The following SCIN variants were observed in gnomAD, a reference collection of about 807,000 sequenced individuals.
SCIN encodes the protein adseverin.
A neutral mutation model predicts 91.8 loss-of-function variants in SCIN; 91 were observed. That is an observed-to-expected ratio of 0.99 (90% confidence interval 0.84 to 1.18). The LOEUF is 1.18. Among genes scored for constraint, SCIN ranks in the 50% most tolerant of loss-of-function variants. SCIN has a pLI of 0.00. For missense variants in SCIN, 1,087 were observed against 863.9 expected (o/e 1.26, Z -3.24); for synonymous variants, 367 against 312.6 (o/e 1.17, Z -1.84).
At chr7:12,592,429 G>A (rs1161800574) in intron 3 of SCIN, among the ~76,000 whole-genome samples, 2 of 152,128 alleles carry the variant, frequency 1.3e-5, no homozygotes, top group Non-Finnish European at 1.5e-5. Context: ...GGCCCTTTTG[G>A]TGGGTTAGAG....
chr7:12,615,397 T>A (rs1225943730), intron 4 of SCIN, among the ~76,000 whole-genome samples: 2 of 152,026 alleles, frequency 1.3e-5, no homozygotes, highest in Non-Finnish European at 2.9e-5. Flanking sequence ...CTGATGGTTT[T>A]AAAGGTGGTA....
In SCIN at chr7:12,626,597, C is replaced by T; in HGVS notation, c.995C>T (p.Pro332Leu). The T allele has an allele frequency of 6.5e-7, 1 of 1,546,216 alleles. No individual in the cohort carries two copies. The highest frequency in any genetic ancestry group is 1.2e-5 in the South Asian group (1 of 83,266). ...TTTAAATTTCAGATTCAAGTTCTTCCAGAAGGAGGTGAAACACCAATCTTC... is the reference window on the plus strand; with the variant it reads ...TTTAAATTTCAGATTCAAGTTCTTCTAGAAGGAGGTGAAACACCAATCTTC... The part of the protein sequence containing the change: ...YSKNTQIQVL[P>L]EGGETPIFKQ... The change falls in exon 8 of 16, where the codon CCA becomes CTA. Residue 332 changes from proline to leucine, a missense_variant. Pro to Leu is a moderately conservative substitution (Grantham distance 98, BLOSUM62 -3). Transcript: ENST00000297029.
intron 7 of SCIN, chr7:12,626,306 A>G: frequency 4.8e-6 from 2 of 412,716 alleles, no homozygotes; most frequent in Admixed American, 8.4e-5. Context: ...CAATGAGATC[A>G]TTTCTTCCAG....
intron 1 of SCIN, among the ~76,000 whole-genome samples, chr7:12,577,034 G>T (rs1049027240): frequency 6.6e-6 from 1 of 152,104 alleles, no homozygotes; most frequent in African/African-American, 2.4e-5. Context: ...TACAGACACT[G>T]GTTCTTAGGA....
Position 12,652,965 on chromosome 7 carries a change from C to A in SCIN, c.*250C>A, listed in dbSNP as rs866900483. The A allele has an allele frequency of 3.4e-5, 12 of 349,074 alleles. No homozygotes were observed. The highest frequency in any genetic ancestry group is 2.5e-4 in the African/African-American group (11 of 44,608). The allele number at this position is 349,074 out of a possible 1,614,324, so 21.6% of individuals were successfully genotyped here. ...TAAAAATACAAAAAAATTAGCTGCGCGTGGTGGTGCACGCCTGTAGTCCCT... is the reference window on the plus strand; with the variant it reads ...TAAAAATACAAAAAAATTAGCTGCGAGTGGTGGTGCACGCCTGTAGTCCCT... On this transcript the variant is annotated 3_prime_UTR_variant, in exon 16 of 16. Coordinates refer to ENST00000297029, the MANE Select transcript of SCIN (RefSeq NM_001112706.3).
At chr7:12,652,535 CTTTAG>C in intron 15 of SCIN, 48 bp from the exon 16 acceptor site, 6 of 1,537,956 alleles carry the variant, frequency 3.9e-6, no homozygotes, top group Middle Eastern at 1.7e-4. Flanking sequence ...TCTGCAGTTA[CTTTAG>C]TTTAACCCAA....
At chr7:12,605,246 C>T (rs556496588) in intron 4 of SCIN, among the ~76,000 whole-genome samples, 57 of 152,174 alleles carry the variant, frequency 3.7e-4, no homozygotes, top group African/African-American at 1.2e-3. Flanking sequence ...AGACGCAGGG[C>T]TTCACCATGT....
intron 9 of SCIN, among the ~76,000 whole-genome samples, chr7:12,633,590 A>G (rs1783687843): frequency 6.6e-6 from 1 of 152,196 alleles, no homozygotes; most frequent in African/African-American, 2.4e-5. Context: ...CAGGTTTGCT[A>G]GTTGAAATAC....
At chr7:12,587,418 T>C (rs1782610767) in intron 3 of SCIN, among the ~76,000 whole-genome samples, 3 of 152,318 alleles carry the variant, frequency 2.0e-5, no homozygotes, top group African/African-American at 7.2e-5. Flanking sequence ...ATCTATAACC[T>C]TCGTTGAGGT....
intron 5 of SCIN, among the ~76,000 whole-genome samples, chr7:12,623,791 G>A (rs1466310618): frequency 2.6e-5 from 4 of 152,048 alleles, no homozygotes; most frequent in East Asian, 1.9e-4. Flanking sequence ...CTTGTTTAGC[G>A]TAATTTCCTT....
chr7:12,605,755 A>G (rs10268615), intron 4 of SCIN, among the ~76,000 whole-genome samples: 39,895 of 152,074 alleles, frequency 0.26, 5,365 homozygotes, highest in South Asian at 0.37. Flanking sequence ...CGTTAAAGGA[A>G]TTAAATACAA....
rs145356392 is a variant in SCIN at position 12,649,547 on chromosome 7, A to G, written c.1959+3A>G. ...TGTTACTAGATGCTTGGGAACAGGT[A>G]AAACTACATTTTGTTCATAAGAAGA... On this transcript the variant is annotated splice_donor_region_variant and intron_variant, in intron 14 of 15. Coordinates refer to ENST00000297029, the MANE Select transcript of SCIN (RefSeq NM_001112706.3). 5.2e-4 allele frequency: 820 copies of G among 1,585,802 alleles called. 8 individuals are homozygous for G. In the East Asian group the frequency reaches 0.016, roughly 30 times the overall value.
In SCIN at chr7:12,626,948, G is replaced by A. The variant is rs144277366; in HGVS notation, c.1197+149G>A. ...CTACTCAAAATACAAAAATTAGCCAGGTGTGATGGAGCTCGCCCATAGTCC... is the reference window on the plus strand; with the variant it reads ...CTACTCAAAATACAAAAATTAGCCAAGTGTGATGGAGCTCGCCCATAGTCC... On this transcript the variant is annotated intron_variant, in intron 8 of 15. Transcript: ENST00000297029. 1,816 of 698,134 alleles carry A rather than the reference G, an allele frequency of 2.6e-3. 25 individuals are homozygous for A. The African/African-American group carries it at 0.028, about 11-fold the overall frequency. The allele number at this position is 698,134 out of a possible 1,614,324, so 43.2% of individuals were successfully genotyped here.
intron 4 of SCIN, among the ~76,000 whole-genome samples, chr7:12,617,016 C>T (rs1260127859): frequency 1.3e-5 from 2 of 152,044 alleles, no homozygotes; most frequent in Non-Finnish European, 2.9e-5. Context: ...GACATATAGA[C>T]TGCTTTATAA....
intron 1 of SCIN, among the ~76,000 whole-genome samples, chr7:12,574,378 G>A (rs1030239297): frequency 4.6e-5 from 7 of 152,156 alleles, no homozygotes; most frequent in African/African-American, 1.7e-4. Context: ...CAGATAGGGT[G>A]AAGAGGGGAT....
Position 12,604,664 on chromosome 7 carries a change from G to C in SCIN, c.666+1G>C, listed in dbSNP as rs372230377. ...AAGTGAACCCTCAGAACTTATAAAG[G>C]TATTGTGACTCCTGTTGTTTGTTAA... On this transcript the variant is annotated splice_donor_variant, in intron 4 of 15. Transcript: ENST00000297029. LOFTEE classifies it high-confidence loss of function. The C allele has an allele frequency of 6.4e-7, 1 of 1,551,502 alleles. No homozygotes were observed. The highest frequency in any genetic ancestry group is 1.4e-5 in the African/African-American group (1 of 73,062).
At chr7:12,634,778 C>T (rs1470856854) in intron 9 of SCIN, among the ~76,000 whole-genome samples, 1 of 152,172 alleles carries the variant, frequency 6.6e-6, no homozygotes, top group East Asian at 1.9e-4. Flanking sequence ...TAAGGTGACA[C>T]AGAGTTAACA....
intron 1 of SCIN, among the ~76,000 whole-genome samples, chr7:12,571,889 G>A (rs185464258): frequency 4.6e-5 from 7 of 152,236 alleles, no homozygotes; most frequent in African/African-American, 1.7e-4. Flanking sequence ...CTCCCCAGGA[G>A]GTCTTGTGCC....
At chr7:12,587,344 G>C (rs1287747380) in intron 3 of SCIN, among the ~76,000 whole-genome samples, 1 of 152,176 alleles carries the variant, frequency 6.6e-6, no homozygotes, top group Non-Finnish European at 1.5e-5. Flanking sequence ...ATTGTAGCCT[G>C]GGGGTGGGGA....
Sources: allele counts gnomAD v4.1 joint callset (sites outside exome capture counted in the v4.1 genomes callset), GRCh38; gene constraint gnomAD v4.1.1; transcripts MANE v1.5; gene names NCBI Gene and HGNC (gene_info 2026-07-23, HGNC 2026-07-21).